The following TANC2 variants were observed in gnomAD, a reference collection of about 807,000 sequenced individuals.
TANC2 encodes protein TANC2.
Under a neutral mutation model 210.5 loss-of-function variants are expected in TANC2, and 26 were observed. The ratio of observed to expected loss-of-function variants is 0.12; its 90% CI spans 0.09 to 0.17. The LOEUF is 0.17. TANC2 is among the 10% of genes least tolerant of loss of function. TANC2 has a pLI of 1.00. For missense variants in TANC2, 2,129 were observed against 2,608.9 expected (o/e 0.82, Z 4.01); for synonymous variants, 931 against 967.1 (o/e 0.96, Z 0.69).
At chr17:63,045,487 A>G (rs1413376762) in intron 2 of TANC2, among the ~76,000 whole-genome samples, 2 of 152,156 alleles carry the variant, frequency 1.3e-5, no homozygotes, top group Admixed American at 1.3e-4. Context: ...TTACTCAGAG[A>G]CTACAAATAT....
chr17:63,134,279 C>T (rs2039016425), intron 4 of TANC2, among the ~76,000 whole-genome samples: 1 of 152,132 alleles, frequency 6.6e-6, no homozygotes, highest in Admixed American at 6.5e-5. Flanking sequence ...CCTCTATTGC[C>T]TGTCATATCA....
At chr17:63,245,693 T>G (rs2146112416) in intron 8 of TANC2, among the ~76,000 whole-genome samples, 1 of 151,870 alleles carries the variant, frequency 6.6e-6, no homozygotes, top group East Asian at 1.9e-4. Flanking sequence ...ATACAAAAAC[T>G]TAGCTGGGCG....
At chr17:63,223,812 G>A (rs1480141921) in intron 7 of TANC2, among the ~76,000 whole-genome samples, 2 of 151,982 alleles carry the variant, frequency 1.3e-5, no homozygotes, top group Non-Finnish European at 2.9e-5. Context: ...TTTCTTTACT[G>A]CATCCTGTGT....
intron 11 of TANC2, among the ~76,000 whole-genome samples, chr17:63,328,862 TATAC>T (rs1243975580): frequency 6.6e-6 from 1 of 152,192 alleles, no homozygotes; most frequent in Admixed American, 6.5e-5. Context: ...TTCCACATTA[TATAC>T]ATATATCAAA....
intron 3 of TANC2, among the ~76,000 whole-genome samples, chr17:63,091,373 G>A (rs1356764701): frequency 3.9e-5 from 6 of 152,080 alleles, no homozygotes; most frequent in Non-Finnish European, 7.4e-5. Flanking sequence ...AATCCATCTT[G>A]AATTAATTTT....
chr17:63,421,601 G>A lies in TANC2; in HGVS notation c.5871G>A (p.Val1957=), dbSNP rs767706567. Residue 1957 remains valine, a synonymous_variant, in exon 28 of 28, where the codon GTG becomes GTA. Transcript: ENST00000689528. This position sits in a 1 kb window ranked among gnomAD's most constrained non-coding sequence, Gnocchi z 6.9. ...ATCGGACCTGGGCAGTGTCATCTGT[G>A]GACACCGTCCTCAGTCCCACGTCTC... 1.7e-5 allele frequency: 27 copies of A among 1,613,812 alleles called. No homozygotes were observed. The highest frequency in any genetic ancestry group is 2.0e-5 in the Non-Finnish European group (24 of 1,179,868).
chr17:62,968,909 C>G (rs1323844518), intron 1 of TANC2, among the ~76,000 whole-genome samples: 1 of 152,130 alleles, frequency 6.6e-6, no homozygotes, highest in Admixed American at 6.5e-5. Flanking sequence ...GGGTGCAATA[C>G]AATTACTACT....
chr17:63,358,379 ATGTGTGTG>A (rs375498280), intron 14 of TANC2, among the ~76,000 whole-genome samples: 9 of 139,538 alleles, frequency 6.4e-5, no homozygotes, highest in South Asian at 2.3e-4. Context: ...GAGAGAGAGT[ATGTGTGTG>A]TGTGTGTGTG....
intron 25 of TANC2, among the ~76,000 whole-genome samples, chr17:63,414,527 G>GGACT (rs2048801556): frequency 6.6e-6 from 1 of 152,116 alleles, no homozygotes; most frequent in Non-Finnish European, 1.5e-5. Context: ...TCATATTTAT[G>GGACT]GACTTCACAA....
intron 11 of TANC2, among the ~76,000 whole-genome samples, chr17:63,328,378 G>A (rs796365075): frequency 3.8e-4 from 30 of 78,188 alleles, no homozygotes; most frequent in Non-Finnish European, 6.9e-4. Context: ...ATGTGTATAT[G>A]TGTGTGTGTG....
chr17:63,100,790 C>T (rs546033829), intron 4 of TANC2, among the ~76,000 whole-genome samples: 3 of 152,212 alleles, frequency 2.0e-5, no homozygotes, highest in South Asian at 2.1e-4. Flanking sequence ...TAATAGTCAA[C>T]GTTTATTAAG....
chr17:63,135,041 A>C (rs1007491819), intron 4 of TANC2, among the ~76,000 whole-genome samples: 1 of 152,072 alleles, frequency 6.6e-6, no homozygotes, highest in Non-Finnish European at 1.5e-5. Flanking sequence ...ACATAGTGAG[A>C]TCCATCTCTA....
chr17:63,391,606 C>T (rs1567978386), intron 17 of TANC2: 3 of 152,134 alleles, frequency 2.0e-5, no homozygotes, highest in Non-Finnish European at 2.9e-5. Context: ...ACCCAACCTC[C>T]CTACATTCTA....
chr17:63,375,296 C>T (rs1451973935), intron 14 of TANC2, among the ~76,000 whole-genome samples: 1 of 152,184 alleles, frequency 6.6e-6, no homozygotes, highest in Non-Finnish European at 1.5e-5. Context: ...TCATCTTATC[C>T]TTGACCTGTA....
chr17:63,288,096 T>C (rs2044279661), intron 9 of TANC2, among the ~76,000 whole-genome samples: 1 of 152,236 alleles, frequency 6.6e-6, no homozygotes, highest in Non-Finnish European at 1.5e-5. Context: ...CCTTGGATAG[T>C]TTCCTCACAT....
intron 5 of TANC2, among the ~76,000 whole-genome samples, chr17:63,183,534 G>A (rs2040864752): frequency 6.6e-6 from 1 of 152,098 alleles, no homozygotes; most frequent in African/African-American, 2.4e-5. Context: ...GTTTGAGAGG[G>A]TCGAAAATTT....
intron 5 of TANC2, among the ~76,000 whole-genome samples, chr17:63,186,020 G>A (rs1214502908): frequency 6.6e-6 from 1 of 152,108 alleles, no homozygotes; most frequent in African/African-American, 2.4e-5. Context: ...ACACTAAAAG[G>A]TCGTTTTCCA....
chr17:63,293,064 T>C (rs947999090), intron 9 of TANC2, among the ~76,000 whole-genome samples: 5 of 152,174 alleles, frequency 3.3e-5, no homozygotes, highest in Admixed American at 1.3e-4. Context: ...ATCTTTAGAG[T>C]GTGTTTTAGG....
At chr17:63,235,858 TG>T in intron 7 of TANC2, among the ~76,000 whole-genome samples, 1 of 152,206 alleles carries the variant, frequency 6.6e-6, no homozygotes, top group South Asian at 2.1e-4. Flanking sequence ...ATAATCTAGA[TG>T]TTAATGTTTT....
Sources: allele counts gnomAD v4.1 joint callset (sites outside exome capture counted in the v4.1 genomes callset), GRCh38; gene constraint gnomAD v4.1.1; non-coding constraint Gnocchi (gnomAD v3.1); transcripts MANE v1.5; gene names NCBI Gene and HGNC (gene_info 2026-07-23, HGNC 2026-07-21).